The following RPTOR variants were observed in gnomAD, a reference collection of about 807,000 sequenced individuals.
RPTOR encodes regulatory-associated protein of mTOR.
A neutral mutation model predicts 169.9 loss-of-function variants in RPTOR; 21 were observed. The observed-to-expected ratio is 0.12, with a 90% CI of 0.09 to 0.18. RPTOR has a LOEUF of 0.18. Ranked by LOEUF, RPTOR falls within the 10% of genes least tolerant of loss-of-function variation. The pLI, the probability that RPTOR is intolerant of heterozygous loss-of-function variation, is 1.00. For missense variants in RPTOR, 1,133 were observed against 1,855.9 expected (o/e 0.61, Z 7.16); for synonymous variants, 732 against 753.2 (o/e 0.97, Z 0.46).
Position 80,957,964 on chromosome 17 carries a change from C to T in RPTOR, c.3477+234C>T, listed in dbSNP as rs2069274989. ...CTGCGCTGCAGTATGGCTCAGGCTG[C>T]GCCAGCTCTGAGTGTTTGCAAGTAG... On this transcript the variant is annotated intron_variant, in intron 29 of 33. Coordinates refer to ENST00000306801, the MANE Select transcript of RPTOR (RefSeq NM_020761.3). The surrounding 1 kb of genome is among the most constrained non-coding windows in gnomAD (Gnocchi z 4.6). 6.6e-6 allele frequency among the ~76,000 whole-genome samples: 1 copy of T among 152,194 alleles called. No individual in the cohort carries two copies. The highest frequency in any genetic ancestry group is 2.4e-5 in the African/African-American group (1 of 41,446).
At chr17:80,585,474 G>A (rs2065052497) in intron 1 of RPTOR, among the ~76,000 whole-genome samples, 1 of 152,138 alleles carries the variant, frequency 6.6e-6, no homozygotes, top group African/African-American at 2.4e-5. Context: ...AAAGTGCTGG[G>A]ATTACAGGCG....
Position 80,643,274 on chromosome 17 carries a change from C to A in RPTOR, c.266-454C>A, listed in dbSNP as rs75540323. The stretch of plus-strand genomic sequence containing the variant: ...GAAACGGATTTTTTTTGTGGGAATA[C>A]TGAGTGCAGATGAAAATTAATTAAA... On this transcript the variant is annotated intron_variant, in intron 2 of 33. Coordinates refer to ENST00000306801, the MANE Select transcript of RPTOR (RefSeq NM_020761.3). Among the ~76,000 whole-genome samples, 68 of 152,226 alleles carry A rather than the reference C, an allele frequency of 4.5e-4. 1 individual carries two copies. In the East Asian group the frequency reaches 0.013, roughly 28 times the overall value.
At chr17:80,719,924 G>C (rs1228434725) in intron 4 of RPTOR, among the ~76,000 whole-genome samples, 1 of 152,042 alleles carries the variant, frequency 6.6e-6, no homozygotes, top group Admixed American at 6.5e-5. Context: ...GGATTTATTG[G>C]TTTTTTGTTT....
chr17:80,876,146 C>T (rs1264944642), intron 13 of RPTOR, among the ~76,000 whole-genome samples: 5 of 123,608 alleles, frequency 4.0e-5, no homozygotes, highest in Admixed American at 1.6e-4. Context: ...TGTCACCTGC[C>T]GGGTCTTCCA....
intron 7 of RPTOR, among the ~76,000 whole-genome samples, chr17:80,794,459 G>A (rs376623046): frequency 2.6e-5 from 4 of 152,316 alleles, no homozygotes; most frequent in South Asian, 2.1e-4. Flanking sequence ...TCACATCACA[G>A]CTGCTGGGAA....
Position 80,878,245 on chromosome 17 carries a change from G to GACA in RPTOR, c.1510-2170_1510-2169insACA, listed in dbSNP as rs1394934905. On this transcript the variant is annotated intron_variant, in intron 13 of 33. Coordinates refer to ENST00000306801, the MANE Select transcript of RPTOR (RefSeq NM_020761.3). The surrounding 1 kb of genome is among the most constrained non-coding windows in gnomAD (Gnocchi z 4.1). ...TTGATCCTAGAAACCCATGCTCTGT[G>GACA]GGTCCCTCTCCAAGAAACACAGCAT... 1.3e-5 allele frequency among the ~76,000 whole-genome samples: 2 copies of GACA among 152,182 alleles called. No homozygotes were observed. The highest frequency in any genetic ancestry group is 2.9e-5 in the Non-Finnish European group (2 of 68,050).
intron 3 of RPTOR, among the ~76,000 whole-genome samples, chr17:80,692,027 G>GAGCCGCTGCCGAGGCAT (rs1439694313): frequency 2.6e-5 from 4 of 152,212 alleles, no homozygotes; most frequent in South Asian, 4.1e-4. Context: ...CGGTTACTGA[G>GAGCCGCTGCCGAGGCAT]AGCCGCTGCC....
At chr17:80,556,627 A>G (rs1695890096) in intron 1 of RPTOR, among the ~76,000 whole-genome samples, 1 of 152,106 alleles carries the variant, frequency 6.6e-6, no homozygotes, top group African/African-American at 2.4e-5. Context: ...TAGAATGTGA[A>G]GTGGATGGGT....
At chr17:80,687,410 C>G (rs1439686606) in intron 3 of RPTOR, among the ~76,000 whole-genome samples, 10 of 152,246 alleles carry the variant, frequency 6.6e-5, no homozygotes. Context: ...CACAAGGAAC[C>G]ACTGTCTTTG....
intron 3 of RPTOR, among the ~76,000 whole-genome samples, chr17:80,671,126 A>G (rs1380152742): frequency 1.3e-5 from 2 of 151,984 alleles, no homozygotes; most frequent in East Asian, 1.9e-4. Flanking sequence ...CTCAGAGTCC[A>G]AGTCACATCC....
rs908574816 is a variant in RPTOR at position 80,708,997 on chromosome 17, C to T, written c.507+998C>T. On this transcript the variant is annotated intron_variant, in intron 4 of 33. Coordinates refer to ENST00000306801, the MANE Select transcript of RPTOR (RefSeq NM_020761.3). The surrounding 1 kb of genome is among the most constrained non-coding windows in gnomAD (Gnocchi z 4.2). ...AACTCTCGGTTCCCGCCTACCGTCC[C>T]GGGTTCGCAGCTAGCATTCGGCACA... is the stretch of plus-strand genomic sequence containing the variant. The T allele has an allele frequency of 2.2e-5, 22 of 985,560 alleles. No individual in the cohort carries two copies. The South Asian group carries it at 3.8e-4, about 17-fold the overall frequency. 61.1% of individuals were successfully genotyped at this position (985,560 alleles called of 1,614,324 possible).
At chr17:80,799,611 G>T (rs752934700) in intron 7 of RPTOR, among the ~76,000 whole-genome samples, 1 of 152,176 alleles carries the variant, frequency 6.6e-6, no homozygotes, top group African/African-American at 2.4e-5. Context: ...GTCACGTGAC[G>T]CAAGGAGAAT....
At chr17:80,779,474 G>A (rs571392415) in intron 6 of RPTOR, among the ~76,000 whole-genome samples, 52 of 152,322 alleles carry the variant, frequency 3.4e-4, no homozygotes, top group African/African-American at 7.0e-4. Context: ...TGCTTCTGCC[G>A]TGCCTACGTG....
At chr17:80,910,501 G>T (rs1275012680) in intron 21 of RPTOR, among the ~76,000 whole-genome samples, 1 of 152,190 alleles carries the variant, frequency 6.6e-6, no homozygotes. Flanking sequence ...CCACACTCTT[G>T]CAGCCTCTGT....
chr17:80,885,273 G>C, intron 17 of RPTOR, 125 bp downstream of exon 17: 8 of 1,120,968 alleles, frequency 7.1e-6, no homozygotes, highest in South Asian at 4.9e-5. Flanking sequence ...GTCATTGCGA[G>C]AGCAGATCTT....
intron 4 of RPTOR, among the ~76,000 whole-genome samples, chr17:80,723,175 G>A (rs2066301732): frequency 6.7e-6 from 1 of 149,416 alleles, no homozygotes; most frequent in Non-Finnish European, 1.5e-5. Context: ...GGCTGAAGTG[G>A]TGCCTTGTGT....
chr17:80,553,642 A>G (rs1292696121), intron 1 of RPTOR, among the ~76,000 whole-genome samples: 3 of 152,222 alleles, frequency 2.0e-5, no homozygotes, highest in Non-Finnish European at 4.4e-5. Flanking sequence ...TGACCAATCC[A>G]TGATATTATA....
At chr17:80,723,249 A>C (rs937089122) in intron 4 of RPTOR, among the ~76,000 whole-genome samples, 1 of 151,116 alleles carries the variant, frequency 6.6e-6, no homozygotes, top group Admixed American at 6.6e-5. Flanking sequence ...AGATACTTTG[A>C]GAGTATGCAG....
intron 7 of RPTOR, among the ~76,000 whole-genome samples, chr17:80,817,950 G>A (rs1021010037): frequency 6.6e-6 from 1 of 152,186 alleles, no homozygotes; most frequent in South Asian, 2.1e-4. Flanking sequence ...CCTGGATGTT[G>A]CAGTAAGGAA....
Sources: gnomAD v4.1 joint callset for allele counts (sites outside exome capture counted in the v4.1 genomes callset) on GRCh38, gnomAD v4.1.1 for gene constraint, Gnocchi (gnomAD v3.1) non-coding constraint, MANE v1.5 for transcripts, NCBI Gene and HGNC (gene_info 2026-07-23, HGNC 2026-07-21) for gene names.